NFIC: variants seen among roughly 807,000 people sequenced by gnomAD.
NFIC encodes the protein nuclear factor I C.
In NFIC, 12 loss-of-function variants were observed where a neutral mutation model predicts 54.4. The observed-to-expected ratio is 0.22, with a 90% CI of 0.14 to 0.36. NFIC has a LOEUF of 0.36. NFIC is among the 10% of genes least tolerant of loss of function. The probability of loss-of-function intolerance (pLI) is 1.00; values close to 1 mark genes in which losing one functional copy is unlikely to be tolerated. For missense variants in NFIC, 575 were observed against 718.2 expected (o/e 0.80, Z 2.28); for synonymous variants, 322 against 319.2 (o/e 1.01, Z -0.09).
intron 1 of NFIC, 102 bp from the exon 2 acceptor site, chr19:3,381,610 G>T: frequency 6.8e-7 from 1 of 1,461,158 alleles, no homozygotes; most frequent in South Asian, 1.4e-5. Context: ...CCCACTCTGC[G>T]GGTCTGTTCA....
At chr19:3,374,976 T>C (rs1262690639) in intron 1 of NFIC, among the ~76,000 whole-genome samples, 1 of 151,836 alleles carries the variant, frequency 6.6e-6, no homozygotes, top group Non-Finnish European at 1.5e-5. Context: ...CCTGCCCGCC[T>C]CCCTGGCACC....
At chr19:3,460,208 C>T (rs1030504692) in intron 10 of NFIC, among the ~76,000 whole-genome samples, 14 of 152,196 alleles carry the variant, frequency 9.2e-5, no homozygotes, top group African/African-American at 2.9e-4. Context: ...GGGGGCCATC[C>T]GGGGGACCTG....
chr19:3,432,254 A>G (rs4806934), intron 3 of NFIC, among the ~76,000 whole-genome samples: 73,720 of 151,992 alleles, frequency 0.49, 19,883 homozygotes, highest in East Asian at 0.76. Flanking sequence ...CCCTTCCTTT[A>G]ATATTAGGTA....
At chr19:3,454,221 G>A in intron 9 of NFIC, 2 of 1,208,290 alleles carry the variant, frequency 1.7e-6, no homozygotes, top group East Asian at 7.5e-5. Flanking sequence ...TGGTATGTCA[G>A]GCAGCTGACA....
intron 2 of NFIC, among the ~76,000 whole-genome samples, chr19:3,417,332 G>A (rs958285211): frequency 6.6e-6 from 1 of 152,122 alleles, no homozygotes; most frequent in Non-Finnish European, 1.5e-5. Flanking sequence ...CTTTGAATCT[G>A]ACACCAGCTT....
chr19:3,372,973 T>G (rs2081048475), intron 1 of NFIC, among the ~76,000 whole-genome samples: 1 of 151,826 alleles, frequency 6.6e-6, no homozygotes, highest in South Asian at 2.1e-4. Context: ...GCTTCCCAAG[T>G]AGATGGGATT....
At chr19:3,376,839 C>A (rs1217320194) in intron 1 of NFIC, among the ~76,000 whole-genome samples, 3 of 152,076 alleles carry the variant, frequency 2.0e-5, no homozygotes, top group African/African-American at 7.2e-5. Flanking sequence ...AGTGATTCTC[C>A]TGCCTTAGCC....
In NFIC at chr19:3,458,161, C is replaced by T. The variant is rs1318776609; in HGVS notation, c.1509+1526C>T. Among the ~76,000 whole-genome samples, 1 of 152,178 alleles carries T rather than the reference C, an allele frequency of 6.6e-6. No homozygotes were observed. Among genetic ancestry groups the T allele is most frequent in the South Asian group, 2.1e-4 (1 of 4,830 alleles). On this transcript the variant is annotated intron_variant, in intron 10 of 10. Transcript: ENST00000443272. This position sits in a 1 kb window ranked among gnomAD's most constrained non-coding sequence, Gnocchi z 4.1. ...GTACCCTGCCTTGCACCCATAGAGC[C>T]CCGGAGAGGGAGTAACTTGGTCAGG...
intron 2 of NFIC, among the ~76,000 whole-genome samples, chr19:3,386,996 CCCCT>C (rs2081307272): frequency 6.6e-6 from 1 of 152,208 alleles, no homozygotes; most frequent in South Asian, 2.1e-4. Flanking sequence ...AACCGAGAGT[CCCCT>C]TGGCTGTGGA....
rs569020436 is a variant in NFIC, at chr19:3,391,523, G to A, written c.562+9280G>A. Among the ~76,000 whole-genome samples the A allele has an allele frequency of 5.3e-5, 8 of 152,068 alleles. No individual in the cohort carries two copies. The East Asian group carries it at 9.7e-4, about 18-fold the overall frequency. On this transcript the variant is annotated intron_variant, in intron 2 of 10. Transcript: ENST00000443272. ...AAAATTAGCCAGTCGTAGGCCAGGCGCGGTGGCTCACACCTGTAATCCCAG... is the reference window on the plus strand; with the variant it reads ...AAAATTAGCCAGTCGTAGGCCAGGCACGGTGGCTCACACCTGTAATCCCAG...
At chr19:3,368,080 C>A (rs938438292) in intron 1 of NFIC, among the ~76,000 whole-genome samples, 1 of 152,102 alleles carries the variant, frequency 6.6e-6, no homozygotes, top group African/African-American at 2.4e-5. Context: ...GGGGGGGTTC[C>A]CGAAGAAGGC....
At chr19:3,376,294 G>C (rs2081105067) in intron 1 of NFIC, among the ~76,000 whole-genome samples, 1 of 151,454 alleles carries the variant, frequency 6.6e-6, no homozygotes, top group African/African-American at 2.4e-5. Context: ...AGCTGGGCAT[G>C]GTGGCGCACC....
At chr19:3,443,414 C>A (rs2082323061) in intron 6 of NFIC, among the ~76,000 whole-genome samples, 1 of 151,262 alleles carries the variant, frequency 6.6e-6, no homozygotes, top group Non-Finnish European at 1.5e-5. Context: ...CAGCGTGAGA[C>A]CCTATCTCAA....
At chr19:3,396,994 C>T (rs548765271) in intron 2 of NFIC, among the ~76,000 whole-genome samples, 5 of 151,956 alleles carry the variant, frequency 3.3e-5, no homozygotes, top group Non-Finnish European at 5.9e-5. Context: ...CCATCATGAT[C>T]GGTTGTGTCA....
intron 1 of NFIC, among the ~76,000 whole-genome samples, chr19:3,361,237 A>G (rs1016237746): frequency 4.6e-5 from 7 of 152,074 alleles, no homozygotes; most frequent in African/African-American, 1.7e-4. Context: ...ACCTGCCCCG[A>G]GAGGGGCGGG....
chr19:3,400,606 C>T (rs1188466223), intron 2 of NFIC, among the ~76,000 whole-genome samples: 1 of 151,916 alleles, frequency 6.6e-6, no homozygotes, highest in Non-Finnish European at 1.5e-5. Flanking sequence ...TGTGGGGGGC[C>T]GAGGCGGGCA....
rs1009449151 is a variant in NFIC at position 3,453,624 on chromosome 19, G to A, written c.1270-139G>A. 51 of 1,219,340 alleles carry A rather than the reference G, an allele frequency of 4.2e-5. No homozygotes were observed. Among genetic ancestry groups the A allele is most frequent in the Non-Finnish European group, 4.8e-5 (44 of 908,042 alleles). 75.5% of individuals were successfully genotyped at this position (1,219,340 alleles called of 1,614,324 possible). A position where few individuals can be genotyped will look rare whatever the true frequency, so the allele number is the denominator to read the frequency against. On this transcript the variant is annotated intron_variant, in intron 8 of 10. Coordinates refer to ENST00000443272, the MANE Select transcript of NFIC (RefSeq NM_001245002.2). The surrounding 1 kb of genome is among the most constrained non-coding windows in gnomAD (Gnocchi z 6.7). ...GGCCGTCCTCAGACCCACCAAACCC[G>A]CCATGGTCACACCCGCGCCCTGGCC...
chr19:3,374,360 A>C (rs969845946), intron 1 of NFIC, among the ~76,000 whole-genome samples: 1 of 152,078 alleles, frequency 6.6e-6, no homozygotes, highest in Non-Finnish European at 1.5e-5. Context: ...CCTTCTCCCC[A>C]TCACCTTGCA....
chr19:3,457,570 G>A (rs2053602926), intron 10 of NFIC, among the ~76,000 whole-genome samples: 1 of 152,192 alleles, frequency 6.6e-6, no homozygotes, highest in Non-Finnish European at 1.5e-5. Flanking sequence ...GAGGGTTGGA[G>A]GATGTAGGAG....
Sources: allele counts gnomAD v4.1 joint callset (sites outside exome capture counted in the v4.1 genomes callset), GRCh38; gene constraint gnomAD v4.1.1; non-coding constraint Gnocchi (gnomAD v3.1); transcripts MANE v1.5; gene names NCBI Gene and HGNC (gene_info 2026-07-23, HGNC 2026-07-21).